ADCY8: variants seen among roughly 807,000 people sequenced by gnomAD.
The protein encoded by ADCY8 is adenylate cyclase type 8.
In ADCY8, 51 loss-of-function variants were observed where a neutral mutation model predicts 119.7. The observed-to-expected ratio is 0.43, with a 90% CI of 0.34 to 0.54. The LOEUF (loss-of-function observed/expected upper bound fraction) is 0.54, where lower values mean the gene tolerates loss of function less well. Among genes scored for constraint, ADCY8 ranks in the 20% least tolerant of loss-of-function variants. The pLI is 0.03. For synonymous variants in ADCY8, 665 were observed against 651.0 expected (o/e 1.02, Z -0.33); for missense variants, 1,383 against 1,598.8 (o/e 0.87, Z 2.30).
At chr8:131,034,445 C>A (rs1351468726) in intron 1 of ADCY8, among the ~76,000 whole-genome samples, 4 of 151,980 alleles carry the variant, frequency 2.6e-5, no homozygotes, top group African/African-American at 7.2e-5. Flanking sequence ...ACTATCTTAT[C>A]CAGCACAAAG....
At chr8:130,908,215 A>G (rs1357891186) in intron 6 of ADCY8, among the ~76,000 whole-genome samples, 2 of 152,190 alleles carry the variant, frequency 1.3e-5, no homozygotes, top group African/African-American at 4.8e-5. Flanking sequence ...CCCCCAAAGC[A>G]TCCTCTAAGG....
rs1563709325 is a variant in ADCY8 at position 130,880,315 on chromosome 8, A to G, written c.2109+4249T>C. The stretch of plus-strand genomic sequence containing the variant: ...GTGGTTACCCTGGGTTGAAAGATCC[A>G]AAGAGATTTCATTTTTTTCTTTTTG... On this transcript the variant is annotated intron_variant, in intron 8 of 17. Coordinates refer to ENST00000286355, the MANE Select transcript of ADCY8 (RefSeq NM_001115.3). Among the ~76,000 whole-genome samples the G allele has an allele frequency of 3.3e-5, 5 of 152,320 alleles. No homozygotes were observed. In the South Asian group the frequency reaches 8.3e-4, roughly 25 times the overall value.
intron 8 of ADCY8, among the ~76,000 whole-genome samples, chr8:130,883,921 AG>A (rs1818877667): frequency 6.6e-6 from 1 of 152,186 alleles, no homozygotes; most frequent in Admixed American, 6.5e-5. Flanking sequence ...ATTAACTGTG[AG>A]GTAGGTGCAT....
chr8:130,894,601 C>A (rs1256388955), intron 7 of ADCY8, among the ~76,000 whole-genome samples: 1 of 152,112 alleles, frequency 6.6e-6, no homozygotes, highest in African/African-American at 2.4e-5. Context: ...GTTTGGGAAT[C>A]CTTGAGATAG....
At chr8:130,914,701 C>G (rs145372561) in intron 5 of ADCY8, among the ~76,000 whole-genome samples, 2 of 152,312 alleles carry the variant, frequency 1.3e-5, no homozygotes, top group Middle Eastern at 6.8e-3. Context: ...CTCCTAGCGA[C>G]AAGTCTTGTT....
intron 7 of ADCY8, among the ~76,000 whole-genome samples, chr8:130,895,982 G>A (rs1819374172): frequency 6.6e-6 from 1 of 152,104 alleles, no homozygotes; most frequent in African/African-American, 2.4e-5. Context: ...TAGGGAAAGA[G>A]AAATCTGTGC....
chr8:130,951,601 A>G (rs550139466), intron 3 of ADCY8, among the ~76,000 whole-genome samples: 1 of 152,278 alleles, frequency 6.6e-6, no homozygotes, highest in East Asian at 1.9e-4. Flanking sequence ...TGCCTTTCCC[A>G]CTCAAAATGT....
intron 5 of ADCY8, among the ~76,000 whole-genome samples, chr8:130,933,619 C>T (rs1820699700): frequency 6.6e-6 from 1 of 152,168 alleles, no homozygotes; most frequent in South Asian, 2.1e-4. Flanking sequence ...TGGATATCAA[C>T]AGATTTTGAT....
chr8:130,852,644 C>T (rs866264860), intron 9 of ADCY8, among the ~76,000 whole-genome samples: 7 of 152,254 alleles, frequency 4.6e-5, no homozygotes, highest in East Asian at 3.9e-4. Flanking sequence ...GTTGGAGCCT[C>T]AAATTCTTAC....
At chr8:130,783,567 G>T (rs1321487787) in intron 17 of ADCY8, 124 bp downstream of exon 17, 2 of 629,388 alleles carry the variant, frequency 3.2e-6, no homozygotes, top group African/African-American at 3.7e-5. Flanking sequence ...CCTTGGCAGG[G>T]TCATGCTAGA....
At chr8:130,992,363 C>A (rs1822606732) in intron 1 of ADCY8, among the ~76,000 whole-genome samples, 1 of 130,552 alleles carries the variant, frequency 7.7e-6, no homozygotes, top group Admixed American at 7.7e-5. Context: ...GGATTACATA[C>A]ATGAGCAACT....
At chr8:131,023,159 C>G (rs1419379588) in intron 1 of ADCY8, among the ~76,000 whole-genome samples, 1 of 152,114 alleles carries the variant, frequency 6.6e-6, no homozygotes, top group Non-Finnish European at 1.5e-5. Flanking sequence ...TGTGTGCAAA[C>G]CATATAATGC....
At chr8:130,992,632 C>G (rs1822633295) in intron 1 of ADCY8, among the ~76,000 whole-genome samples, 1 of 151,830 alleles carries the variant, frequency 6.6e-6, no homozygotes, top group Non-Finnish European at 1.5e-5. Context: ...CCAGGCTGGT[C>G]TTGACATCCT....
chr8:130,810,465 G>C (rs1477459194), intron 14 of ADCY8, among the ~76,000 whole-genome samples: 1 of 152,070 alleles, frequency 6.6e-6, no homozygotes, highest in East Asian at 1.9e-4. Flanking sequence ...AGCAATCTGA[G>C]GGACTGGACT....
At chr8:130,819,142 G>A (rs962575558) in intron 13 of ADCY8, among the ~76,000 whole-genome samples, 13 of 152,162 alleles carry the variant, frequency 8.5e-5, no homozygotes, top group Admixed American at 7.2e-4. Context: ...AAATCAGAAA[G>A]TTAAGTAAAT....
At chr8:131,002,358 C>T (rs1822975438) in intron 1 of ADCY8, among the ~76,000 whole-genome samples, 1 of 152,148 alleles carries the variant, frequency 6.6e-6, no homozygotes. Context: ...TATAGAAAGG[C>T]CACTTGAGGA....
chr8:130,942,173 G>A (rs979689618), intron 4 of ADCY8, among the ~76,000 whole-genome samples: 2 of 152,066 alleles, frequency 1.3e-5, no homozygotes, highest in South Asian at 2.1e-4. Flanking sequence ...AAAATACCTA[G>A]CATTTTGTAT....
intron 5 of ADCY8, 75 bp downstream of exon 5, chr8:130,936,998 C>A: frequency 2.0e-6 from 3 of 1,475,036 alleles, no homozygotes; most frequent in Admixed American, 4.2e-5. Flanking sequence ...TATGATTTAC[C>A]ACAAAGGGTA....
At chr8:130,894,722 G>T (rs565861412) in intron 7 of ADCY8, among the ~76,000 whole-genome samples, 5 of 152,114 alleles carry the variant, frequency 3.3e-5, no homozygotes. Flanking sequence ...TATAAGTACC[G>T]TGGCTGTTCA....
Sources: allele counts gnomAD v4.1 joint callset (sites outside exome capture counted in the v4.1 genomes callset), GRCh38; gene constraint gnomAD v4.1.1; transcripts MANE v1.5; gene names NCBI Gene and HGNC (gene_info 2026-07-23, HGNC 2026-07-21).